ABR: variants seen among roughly 807,000 people sequenced by gnomAD.
The protein encoded by ABR is active breakpoint cluster region-related protein.
A neutral mutation model predicts 107.2 loss-of-function variants in ABR; 35 were observed. The ratio of observed to expected loss-of-function variants is 0.33; its 90% confidence interval spans 0.25 to 0.43. The LOEUF (loss-of-function observed/expected upper bound fraction) is 0.43, where lower values mean the gene tolerates loss of function less well. ABR is among the 20% of genes least tolerant of loss of function. The pLI is 1.00. For missense variants in ABR, 815 were observed against 1,115.2 expected (o/e 0.73, Z 3.83); for synonymous variants, 498 against 462.0 (o/e 1.08, Z -1.00).
At chr17:1,059,159 G>A (rs944718211) in intron 10 of ABR, among the ~76,000 whole-genome samples, 8 of 151,952 alleles carry the variant, frequency 5.3e-5, no homozygotes, top group Non-Finnish European at 7.4e-5. Flanking sequence ...ACGCTCACTC[G>A]CCAAGCCAGC....
chr17:1,090,171 C>T (rs2036922970), intron 4 of ABR, among the ~76,000 whole-genome samples: 2 of 152,134 alleles, frequency 1.3e-5, no homozygotes, highest in Non-Finnish European at 2.9e-5. Context: ...GCCTCAAGTA[C>T]CAAGAGTTAA....
At chr17:1,225,199 T>C (rs1306034173) in intron 1 of ABR, among the ~76,000 whole-genome samples, 1 of 151,298 alleles carries the variant, frequency 6.6e-6, no homozygotes. Flanking sequence ...GGTCTCACTG[T>C]ATCGCCCAGG....
chr17:1,034,412 T>C (rs2073018565), intron 16 of ABR, among the ~76,000 whole-genome samples: 1 of 152,156 alleles, frequency 6.6e-6, no homozygotes, highest in South Asian at 2.1e-4. Flanking sequence ...GACAAGCATT[T>C]GTGCATTTGG....
chr17:1,137,341 C>A (rs1035392907), intron 1 of ABR, among the ~76,000 whole-genome samples: 5 of 152,136 alleles, frequency 3.3e-5, no homozygotes, highest in African/African-American at 1.2e-4. Context: ...CGAGCCCGGG[C>A]TAAACTGAAC....
intron 2 of ABR, chr17:1,115,252 G>A (rs2440743): frequency 0.52 from 78,501 of 152,278 alleles, 20,430 homozygotes; most frequent in East Asian, 0.62. Flanking sequence ...AACAAGAGCC[G>A]TGGGGCCCCA....
intron 1 of ABR, among the ~76,000 whole-genome samples, chr17:1,228,617 C>T (rs967232793): frequency 6.6e-6 from 1 of 152,180 alleles, no homozygotes; most frequent in Non-Finnish European, 1.5e-5. Flanking sequence ...CACGTGTTTT[C>T]TAAGCTCCAC....
intron 1 of ABR, among the ~76,000 whole-genome samples, chr17:1,178,780 C>T (rs936427098): frequency 7.3e-6 from 1 of 137,826 alleles, no homozygotes; most frequent in East Asian, 2.3e-4. Flanking sequence ...TGAGAGCTTT[C>T]GGGAAAGGTG....
chr17:1,012,086 T>C (rs2070620557), intron 18 of ABR, 101 bp from the exon 19 acceptor site: 1 of 1,578,352 alleles, frequency 6.3e-7, no homozygotes, highest in Non-Finnish European at 8.6e-7. Context: ...CTTCTAGCAT[T>C]TGGGATGGAG....
chr17:1,082,771 C>T (rs939791624), intron 5 of ABR, among the ~76,000 whole-genome samples: 4 of 152,124 alleles, frequency 2.6e-5, no homozygotes, highest in Non-Finnish European at 4.4e-5. Flanking sequence ...TCAGAAGCTC[C>T]GGGGAAGGTG....
At chr17:1,137,903 C>CTT (rs1310688018) in intron 1 of ABR, among the ~76,000 whole-genome samples, 8 of 144,392 alleles carry the variant, frequency 5.5e-5, no homozygotes, top group East Asian at 2.0e-4. Context: ...ACCACAATTA[C>CTT]TTTTTTTTTT....
In ABR at chr17:1,027,017, C is replaced by T. The variant is rs555436377; in HGVS notation, c.1792-13853G>A. Among the ~76,000 whole-genome samples, 46 of 151,352 alleles carry T rather than the reference C, an allele frequency of 3.0e-4. No homozygotes were observed. The East Asian group carries it at 5.3e-3, about 17-fold the overall frequency. On this transcript the variant is annotated intron_variant, in intron 16 of 22. Transcript: ENST00000302538. This position sits in a 1 kb window ranked among gnomAD's most constrained non-coding sequence, Gnocchi z 4.7. ...GCCTGGGGCAGCTCCCCCAGACTCA[C>T]ACCTGCAGGCTTGGGGGCTCCTTCC...
chr17:1,018,310 G>A (rs539148084), intron 16 of ABR, among the ~76,000 whole-genome samples: 35 of 152,206 alleles, frequency 2.3e-4, no homozygotes, highest in Non-Finnish European at 3.4e-4. Context: ...CCAAAGTGCT[G>A]GGATTACGGG....
chr17:1,116,687 T>G (rs1438445722), intron 2 of ABR, among the ~76,000 whole-genome samples: 1 of 152,138 alleles, frequency 6.6e-6, no homozygotes, highest in East Asian at 1.9e-4. Flanking sequence ...CCTTCCCAAC[T>G]GGGACAAGCC....
At chr17:1,180,057 C>A (rs1183784461), upstream of ABR, among the ~76,000 whole-genome samples, 2 of 5,620 alleles carry the variant, frequency 3.6e-4, no homozygotes, top group East Asian at 4.9e-3. Context: ...GGCTTTGGTG[C>A]GGGGGCGGGG....
chr17:1,007,246 C>T lies in ABR; in HGVS notation c.2409G>A (p.Thr803=), dbSNP rs141757301. 32 of 1,614,072 alleles carry T rather than the reference C, an allele frequency of 2.0e-5. No individual in the cohort carries two copies. Among genetic ancestry groups the T allele is most frequent in the South Asian group, 3.3e-5 (3 of 91,086 alleles). The change falls in exon 22 of 23, where the codon ACG becomes ACA. Residue 803 remains threonine, a synonymous_variant. Transcript: ENST00000302538. The stretch of plus-strand genomic sequence containing the variant: ...TCTCCACTTCTGAGGGTCTCAGTAA[C>T]GTGGGTCCAAACACGGTAGCCAGGT... ...LHNLATVFGP[T]LLRPSEVESK...
At chr17:1,223,771 G>C (rs1354650279) in intron 1 of ABR, among the ~76,000 whole-genome samples, 1 of 152,144 alleles carries the variant, frequency 6.6e-6, no homozygotes, top group African/African-American at 2.4e-5. Flanking sequence ...GGCGGCAGGA[G>C]AGCAAGCAAG....
At chr17:1,044,740 G>C (rs754272340) in intron 16 of ABR, among the ~76,000 whole-genome samples, 1 of 151,404 alleles carries the variant, frequency 6.6e-6, no homozygotes, top group Non-Finnish European at 1.5e-5. Context: ...GCAGCTCCCC[G>C]CCACCCCTGC....
At chr17:1,062,096 G>C (rs1334290351) in intron 10 of ABR, among the ~76,000 whole-genome samples, 3 of 152,224 alleles carry the variant, frequency 2.0e-5, no homozygotes, top group Non-Finnish European at 2.9e-5. Flanking sequence ...AGCTGAACCT[G>C]AGAGGTGAGG....
intron 4 of ABR, among the ~76,000 whole-genome samples, chr17:1,091,142 G>A (rs1298076872): frequency 6.6e-6 from 1 of 152,172 alleles, no homozygotes; most frequent in African/African-American, 2.4e-5. Flanking sequence ...GTGCCCAACT[G>A]CTTCCTTTTA....
Sources: gnomAD v4.1 joint callset for allele counts (sites outside exome capture counted in the v4.1 genomes callset) on GRCh38, gnomAD v4.1.1 for gene constraint, Gnocchi (gnomAD v3.1) non-coding constraint, MANE v1.5 for transcripts, NCBI Gene and HGNC (gene_info 2026-07-23, HGNC 2026-07-21) for gene names.